OSBPL1A: variants seen among roughly 807,000 people sequenced by gnomAD.
OSBPL1A encodes the protein oxysterol-binding protein-related protein 1.
Under a neutral mutation model 137.1 loss-of-function variants are expected in OSBPL1A, and 80 were observed. The observed-to-expected ratio is 0.58, with a 90% confidence interval of 0.49 to 0.70. The LOEUF is 0.70. Among genes scored for constraint, OSBPL1A ranks in the 30% least tolerant of loss-of-function variants. The pLI is 0.00. For missense variants in OSBPL1A, 970 were observed against 1,129.4 expected, an observed-to-expected ratio of 0.86 and a Z score of 2.02; for synonymous variants, 365 against 389.7, an observed-to-expected ratio of 0.94 and a Z score of 0.75.
intron 24 of OSBPL1A, among the ~76,000 whole-genome samples, chr18:24,168,717 C>A (rs1038461456): frequency 1.3e-5 from 2 of 152,130 alleles, no homozygotes; most frequent in Admixed American, 6.5e-5. Flanking sequence ...CACAAACTTC[C>A]CGCAGCGTCT....
chr18:24,351,211 T>G (rs556879578), intron 4 of OSBPL1A, among the ~76,000 whole-genome samples: 1 of 151,730 alleles, frequency 6.6e-6, no homozygotes, highest in East Asian at 1.9e-4. Flanking sequence ...GAGCTGGGTG[T>G]GGTGACACAC....
At chr18:24,290,419 G>A (rs1194185285) in intron 14 of OSBPL1A, among the ~76,000 whole-genome samples, 1 of 152,154 alleles carries the variant, frequency 6.6e-6, no homozygotes, top group Non-Finnish European at 1.5e-5. Flanking sequence ...AGTGGCTCAC[G>A]CCTGTAATCC....
intron 15 of OSBPL1A, among the ~76,000 whole-genome samples, chr18:24,247,577 C>T (rs2088938243): frequency 6.6e-6 from 1 of 152,164 alleles, no homozygotes. Context: ...ATCCTCCCAC[C>T]TCAGCCTCCC....
intron 14 of OSBPL1A, among the ~76,000 whole-genome samples, chr18:24,286,140 G>A (rs1346506149): frequency 1.3e-5 from 2 of 152,126 alleles, no homozygotes; most frequent in Non-Finnish European, 2.9e-5. Context: ...CTGGGTGACA[G>A]AGCAAGACTC....
intron 2 of OSBPL1A, among the ~76,000 whole-genome samples, chr18:24,372,485 G>T (rs1269604935): frequency 6.6e-6 from 1 of 152,106 alleles, no homozygotes; most frequent in East Asian, 1.9e-4. Flanking sequence ...CACACTCGCA[G>T]GAACCACCAG....
chr18:24,224,184 C>A (rs1271136578), intron 17 of OSBPL1A, among the ~76,000 whole-genome samples: 3 of 151,986 alleles, frequency 2.0e-5, no homozygotes, highest in Non-Finnish European at 4.4e-5. Flanking sequence ...TACACATAAG[C>A]CAGAGAAGTG....
chr18:24,377,070 C>T (rs1906228315), intron 2 of OSBPL1A, among the ~76,000 whole-genome samples: 1 of 152,240 alleles, frequency 6.6e-6, no homozygotes, highest in Admixed American at 6.5e-5. Flanking sequence ...CCTCAAGTGC[C>T]GCCAAAGTGG....
At chr18:24,238,867 ACTGT>A (rs1186819088) in intron 16 of OSBPL1A, among the ~76,000 whole-genome samples, 5 of 152,200 alleles carry the variant, frequency 3.3e-5, no homozygotes, top group Non-Finnish European at 7.4e-5. Context: ...GAAGACAGAA[ACTGT>A]CTGTCTGTCT....
intron 15 of OSBPL1A, among the ~76,000 whole-genome samples, chr18:24,260,530 G>C (rs1012405745): frequency 3.9e-5 from 6 of 152,156 alleles, no homozygotes; most frequent in Non-Finnish European, 8.8e-5. Context: ...ATTAGGCTAA[G>C]GGAGAAAGCC....
chr18:24,264,483 C>T (rs1369495196), intron 15 of OSBPL1A, among the ~76,000 whole-genome samples: 1 of 152,058 alleles, frequency 6.6e-6, no homozygotes, highest in Non-Finnish European at 1.5e-5. Context: ...AAACATAGTC[C>T]AGGCTATAGC....
chr18:24,393,596 C>A (rs776068464), intron 1 of OSBPL1A, among the ~76,000 whole-genome samples: 6 of 152,034 alleles, frequency 3.9e-5, no homozygotes, highest in Non-Finnish European at 7.4e-5. Context: ...GGGACTACAG[C>A]TGCCCGCCAC....
At chr18:24,272,253 T>A in intron 15 of OSBPL1A, 1 of 982,454 alleles carries the variant, frequency 1.0e-6, no homozygotes. Flanking sequence ...TTTTTCTTTT[T>A]TCTTTTTTTT....
Position 24,271,024 on chromosome 18 carries a change from C to T in OSBPL1A, c.1281+9818G>A, listed in dbSNP as rs1284475157. Among the ~76,000 whole-genome samples the T allele has an allele frequency of 6.6e-6, 1 of 152,154 alleles. No individual in the cohort carries two copies. The highest frequency in any genetic ancestry group is 1.9e-4 in the East Asian group (1 of 5,190). ...GCTCTGAATGCTAGGAAACGTGATT[C>T]CCCGCTGGTTTAGGCTACAAAGAAA... On this transcript the variant is annotated intron_variant, in intron 15 of 27. Transcript: ENST00000319481. The surrounding 1 kb of genome is among the most constrained non-coding windows in gnomAD (Gnocchi z 4.0).
At chr18:24,286,485 A>G (rs2090069011) in intron 14 of OSBPL1A, among the ~76,000 whole-genome samples, 1 of 152,246 alleles carries the variant, frequency 6.6e-6, no homozygotes. Flanking sequence ...TATAAAATAT[A>G]TAGCTCAAAG....
rs551035591 is a variant in OSBPL1A at position 24,383,898 on chromosome 18, G to A, written c.-2-6363C>T. Among the ~76,000 whole-genome samples the A allele has an allele frequency of 3.9e-5, 6 of 152,352 alleles. No homozygotes were observed. In the East Asian group the frequency reaches 1.2e-3, roughly 29 times the overall value. On this transcript the variant is annotated intron_variant, in intron 1 of 27. Transcript: ENST00000319481. ...TGAGTATCTACTGATAATAGGGGCT[G>A]TTATAGGCACTGGAGGTACCATGAT...
chr18:24,239,513 A>G, intron 15 of OSBPL1A, 131 bp from the exon 16 acceptor site: 1 of 834,092 alleles, frequency 1.2e-6, no homozygotes, highest in East Asian at 2.7e-5. Context: ...GTCGTGTCAC[A>G]TGTGCATGGA....
intron 15 of OSBPL1A, among the ~76,000 whole-genome samples, chr18:24,267,386 T>C (rs906411089): frequency 6.6e-6 from 1 of 152,138 alleles, no homozygotes; most frequent in South Asian, 2.1e-4. Context: ...TTCAATTTTA[T>C]ACAAAACAGC....
intron 1 of OSBPL1A, among the ~76,000 whole-genome samples, chr18:24,388,464 G>GT (rs141018311): frequency 0.079 from 11,843 of 149,516 alleles, 565 homozygotes; most frequent in Middle Eastern, 0.12. Flanking sequence ...AAAATTAACA[G>GT]TTTTTTTTTT....
At chr18:24,385,040 C>T (rs1329514193) in intron 1 of OSBPL1A, among the ~76,000 whole-genome samples, 3 of 151,096 alleles carry the variant, frequency 2.0e-5, no homozygotes, top group East Asian at 2.0e-4. Flanking sequence ...CTGCAAGCTC[C>T]GCCTCCCGGG....
Sources: allele counts gnomAD v4.1 joint callset (sites outside exome capture counted in the v4.1 genomes callset), GRCh38; gene constraint gnomAD v4.1.1; non-coding constraint Gnocchi (gnomAD v3.1); transcripts MANE v1.5; gene names NCBI Gene and HGNC (gene_info 2026-07-23, HGNC 2026-07-21).